Variants in RNF130 observed in about 807,000 individuals in gnomAD.
The protein encoded by RNF130 is ring finger protein 130.
A neutral mutation model predicts 44.6 loss-of-function variants in RNF130; 21 were observed. That is an observed-to-expected ratio of 0.47 (90% CI 0.33 to 0.68). The LOEUF (loss-of-function observed/expected upper bound fraction) is 0.68, where lower values mean the gene tolerates loss of function less well. Ranked by LOEUF, RNF130 falls within the 30% of genes least tolerant of loss-of-function variation. The pLI is 0.02. For synonymous variants in RNF130, 214 were observed against 210.4 expected (o/e 1.02, Z -0.15); for missense variants, 479 against 560.6 (o/e 0.85, Z 1.47).
intron 3 of RNF130, among the ~76,000 whole-genome samples, chr5:179,994,777 T>G (rs1330840426): frequency 6.6e-6 from 1 of 152,176 alleles, no homozygotes; most frequent in African/African-American, 2.4e-5. Flanking sequence ...TAAGCAGATG[T>G]TGTAATGGGC....
rs554840923 is a variant in RNF130 at position 180,028,555 on chromosome 5, C to T, written c.442+11898G>A. 1.2e-4 allele frequency among the ~76,000 whole-genome samples: 10 copies of T among 81,434 alleles called. No individual in the cohort carries two copies. The South Asian group carries it at 2.9e-3, about 24-fold the overall frequency. 53.4% of individuals were successfully genotyped at this position (81,434 alleles called of 152,430 possible). A position where few individuals can be genotyped will look rare whatever the true frequency, so the allele number is the denominator to read the frequency against. ...GCCTCCTACATGAAGTCTTCCAGACCTGGGTCAGAACCCCTTTCGTAATAA... is the reference window on the plus strand; with the variant it reads ...GCCTCCTACATGAAGTCTTCCAGACTTGGGTCAGAACCCCTTTCGTAATAA... On this transcript the variant is annotated intron_variant, in intron 2 of 8. Coordinates refer to ENST00000521389, the MANE Select transcript of RNF130 (RefSeq NM_018434.6).
chr5:179,988,885 C>T (rs1763014121), intron 3 of RNF130, among the ~76,000 whole-genome samples: 1 of 152,192 alleles, frequency 6.6e-6, no homozygotes, highest in South Asian at 2.1e-4. Context: ...CTGTAAATGT[C>T]TGTTACGTCC....
At chr5:180,051,267 TG>T (rs1764682871) in intron 1 of RNF130, among the ~76,000 whole-genome samples, 2 of 151,838 alleles carry the variant, frequency 1.3e-5, no homozygotes, top group Non-Finnish European at 2.9e-5. Context: ...TTTATTTATT[TG>T]AGACAGAGTC....
chr5:180,063,142 CA>C (rs1189587141), intron 1 of RNF130, among the ~76,000 whole-genome samples: 16 of 152,206 alleles, frequency 1.1e-4, no homozygotes, highest in African/African-American at 3.9e-4. Context: ...GGGGTTTAAG[CA>C]AGCAGTAACA....
downstream of RNF130, among the ~76,000 whole-genome samples, chr5:179,950,183 G>A (rs1457446042): frequency 6.6e-6 from 1 of 151,950 alleles, no homozygotes; most frequent in Non-Finnish European, 1.5e-5. Context: ...CATGATCTCA[G>A]CTCACTGCAA....
chr5:180,026,503 C>A (rs1410166896), intron 2 of RNF130, among the ~76,000 whole-genome samples: 1 of 152,206 alleles, frequency 6.6e-6, no homozygotes, highest in Non-Finnish European at 1.5e-5. Context: ...CCAGAGGTAA[C>A]AAGTGAAACC....
At chr5:180,052,619 C>G (rs1247473649) in intron 1 of RNF130, among the ~76,000 whole-genome samples, 1 of 152,204 alleles carries the variant, frequency 6.6e-6, no homozygotes, top group Non-Finnish European at 1.5e-5. Context: ...ACTGGGCTAT[C>G]TGGACCATAA....
At chr5:180,035,556 A>T (rs1764230650) in intron 2 of RNF130, among the ~76,000 whole-genome samples, 1 of 152,196 alleles carries the variant, frequency 6.6e-6, no homozygotes, top group South Asian at 2.1e-4. Flanking sequence ...TATGCTTGCT[A>T]ATTTTCTATC....
At chr5:179,962,138 T>C (rs1173219350) in intron 8 of RNF130, among the ~76,000 whole-genome samples, 1 of 152,188 alleles carries the variant, frequency 6.6e-6, no homozygotes, top group Non-Finnish European at 1.5e-5. Flanking sequence ...GAAGGAAAAC[T>C]GCCTGGGTGG....
chr5:180,068,904 G>A (rs1765177083), intron 1 of RNF130, among the ~76,000 whole-genome samples: 1 of 152,160 alleles, frequency 6.6e-6, no homozygotes, highest in Non-Finnish European at 1.5e-5. Flanking sequence ...CGTGCAGTAA[G>A]TCCTCAATAA....
At chr5:179,989,380 G>GT (rs1763027240) in intron 3 of RNF130, among the ~76,000 whole-genome samples, 1 of 152,170 alleles carries the variant, frequency 6.6e-6, no homozygotes, top group African/African-American at 2.4e-5. Context: ...GTATTGGAGT[G>GT]TATCTATCCC....
At chr5:180,006,169 C>A (rs1478953129) in intron 3 of RNF130, among the ~76,000 whole-genome samples, 1 of 151,904 alleles carries the variant, frequency 6.6e-6, no homozygotes, top group Non-Finnish European at 1.5e-5. Context: ...CCTTAAGAAA[C>A]ATAATGAACA....
intron 8 of RNF130, chr5:179,956,308 T>C (rs1762211096): frequency 6.6e-6 from 1 of 152,322 alleles, no homozygotes; most frequent in Non-Finnish European, 1.5e-5. Flanking sequence ...TTGATCTTTT[T>C]CTTTCTGCTG....
chr5:180,057,053 A>T (rs1053960266), intron 1 of RNF130, among the ~76,000 whole-genome samples: 2 of 152,216 alleles, frequency 1.3e-5, no homozygotes, highest in Non-Finnish European at 2.9e-5. Flanking sequence ...ATGTTTTCTT[A>T]TTCAAAATAA....
intron 8 of RNF130, chr5:179,955,896 G>A: frequency 2.4e-6 from 1 of 412,886 alleles, no homozygotes; most frequent in Non-Finnish European, 4.4e-6. Flanking sequence ...CCAAAAGGAT[G>A]AAGGAAAAGG....
intron 2 of RNF130, among the ~76,000 whole-genome samples, chr5:180,013,982 T>C (rs917464279): frequency 3.9e-5 from 6 of 152,156 alleles, no homozygotes; most frequent in African/African-American, 1.4e-4. Flanking sequence ...CAGACTTGAG[T>C]GGAGTTGAGG....
intron 2 of RNF130, among the ~76,000 whole-genome samples, chr5:180,037,430 G>A (rs1177000313): frequency 1.3e-5 from 2 of 152,180 alleles, no homozygotes; most frequent in Admixed American, 6.5e-5. Context: ...AGGCCTTACA[G>A]AAGGCCTCTA....
intron 1 of RNF130, among the ~76,000 whole-genome samples, chr5:180,055,262 AAAAAAAAAAAAAAAAAAAC>A (rs1382768772): frequency 0.16 from 6,073 of 38,050 alleles, 457 homozygotes; most frequent in Non-Finnish European, 0.24. Context: ...AAAAAAAAAA[AAAAAAAAAAAAAAAAAAAC>A]AAAAAAAAAC....
chr5:179,925,067 C>T (rs1352479020), intron 7 of RNF130, among the ~76,000 whole-genome samples: 1 of 152,196 alleles, frequency 6.6e-6, no homozygotes, highest in Non-Finnish European at 1.5e-5. Context: ...TTTATCCGGG[C>T]TTCCTGGCCT....
Sources: gnomAD v4.1 joint callset for allele counts (sites outside exome capture counted in the v4.1 genomes callset) on GRCh38, gnomAD v4.1.1 for gene constraint, MANE v1.5 for transcripts, NCBI Gene and HGNC (gene_info 2026-07-23, HGNC 2026-07-21) for gene names.